NEBL: variants seen among roughly 807,000 people sequenced by gnomAD.
NEBL encodes nebulette.
Under a neutral mutation model 140.2 loss-of-function variants are expected in NEBL, and 122 were observed. The observed-to-expected ratio is 0.87, with a 90% confidence interval of 0.75 to 1.01. The LOEUF (loss-of-function observed/expected upper bound fraction) is 1.01, where lower values mean the gene tolerates loss of function less well. Ranked by LOEUF, NEBL falls within the 50% of genes least tolerant of loss-of-function variation. The probability of loss-of-function intolerance (pLI) is 0.00; values close to 1 mark genes in which losing one functional copy is unlikely to be tolerated. For missense variants in NEBL, 1,365 were observed against 1,231.3 expected (o/e 1.11, Z -1.62); for synonymous variants, 436 against 398.9 (o/e 1.09, Z -1.11).
At chr10:21,083,525 A>G (rs915514639) in intron 2 of NEBL, among the ~76,000 whole-genome samples, 12 of 152,174 alleles carry the variant, frequency 7.9e-5, no homozygotes, top group Non-Finnish European at 1.5e-4. Context: ...TCACTTAGCT[A>G]AGATCATCAG....
intron 2 of NEBL, among the ~76,000 whole-genome samples, chr10:21,163,103 T>G (rs1487131194): frequency 6.6e-6 from 1 of 152,178 alleles, no homozygotes; most frequent in African/African-American, 2.4e-5. Context: ...TGGTGAAGGA[T>G]TCAAAGCTAG....
chr10:21,214,036 G>T (rs1176651286), intron 3 of NEBL, among the ~76,000 whole-genome samples: 1 of 152,044 alleles, frequency 6.6e-6, no homozygotes, highest in Non-Finnish European at 1.5e-5. Context: ...TTTGTGTCTT[G>T]AATGATGATA....
At chr10:21,099,523 T>C (rs949533735) in intron 2 of NEBL, among the ~76,000 whole-genome samples, 2 of 152,160 alleles carry the variant, frequency 1.3e-5, no homozygotes, top group Non-Finnish European at 2.9e-5. Flanking sequence ...CCTTTCAATT[T>C]CCTCTCTGCT....
At chr10:21,260,690 G>A (rs910839483) in intron 1 of NEBL, among the ~76,000 whole-genome samples, 1 of 152,092 alleles carries the variant, frequency 6.6e-6, no homozygotes, top group Non-Finnish European at 1.5e-5. Flanking sequence ...TGAAGGTCGA[G>A]CCCTTCTCTT....
At chr10:21,248,855 C>G (rs568290952) in intron 2 of NEBL, among the ~76,000 whole-genome samples, 1 of 151,490 alleles carries the variant, frequency 6.6e-6, no homozygotes, top group South Asian at 2.1e-4. Flanking sequence ...TTTTTTTTGA[C>G]AATAGACATC....
chr10:21,136,709 A>G (rs1478633204), intron 2 of NEBL, among the ~76,000 whole-genome samples: 1 of 152,128 alleles, frequency 6.6e-6, no homozygotes, highest in Non-Finnish European at 1.5e-5. Flanking sequence ...ACCCTACTCT[A>G]AAGGGTCTCC....
chr10:20,910,673 T>C lies in NEBL; in HGVS notation c.357+50999A>G, dbSNP rs28613816. ...TTCAAAATCCCTACACTGTAAAAAA[T>C]TAGACCAATCTTCCTAGTTCTAAGA... On this transcript the variant is annotated intron_variant, in intron 4 of 6. Transcript: ENST00000417816. Among the ~76,000 whole-genome samples, 1,461 of 152,282 alleles carry C rather than the reference T, an allele frequency of 9.6e-3. 19 individuals are homozygous for C. The highest frequency in any genetic ancestry group is 0.034 in the African/African-American group (1,398 of 41,560).
rs540579673 is a variant in NEBL at position 20,893,691 on chromosome 10, C to A, written c.153+3267G>T. ...ATTGTCTGACAAGGGGATGATATAG[C>A]AGTGTCTACAGGTCTGCTGACTCCA... is the stretch of plus-strand genomic sequence containing the variant. On this transcript the variant is annotated intron_variant, in intron 2 of 27. Transcript: ENST00000377122. Among the ~76,000 whole-genome samples, 4 of 152,278 alleles carry A rather than the reference C, an allele frequency of 2.6e-5. No homozygotes were observed. In the East Asian group the frequency reaches 5.8e-4, roughly 22 times the overall value.
intron 3 of NEBL, among the ~76,000 whole-genome samples, chr10:21,013,953 G>C (rs1360513099): frequency 3.3e-5 from 5 of 151,992 alleles, no homozygotes; most frequent in Non-Finnish European, 7.4e-5. Flanking sequence ...TTTGGAAATG[G>C]GATCCGGAGC....
At chr10:21,080,490 A>G (rs923975319) in intron 2 of NEBL, among the ~76,000 whole-genome samples, 3 of 152,264 alleles carry the variant, frequency 2.0e-5, no homozygotes, top group African/African-American at 7.2e-5. Flanking sequence ...TGAATAATTC[A>G]ACAACTATTC....
At chr10:20,976,133 A>T (rs1836787575) in intron 3 of NEBL, among the ~76,000 whole-genome samples, 1 of 151,928 alleles carries the variant, frequency 6.6e-6, no homozygotes, top group African/African-American at 2.4e-5. Context: ...TCAGGAGTTC[A>T]AGACCAGCCT....
At chr10:20,941,960 C>G (rs1160085785) in intron 4 of NEBL, among the ~76,000 whole-genome samples, 1 of 152,116 alleles carries the variant, frequency 6.6e-6, no homozygotes, top group Non-Finnish European at 1.5e-5. Flanking sequence ...AATGGAAGAA[C>G]ATTCCATGCT....
upstream of NEBL, among the ~76,000 whole-genome samples, chr10:21,179,305 TA>T (rs1322013295): frequency 1.3e-5 from 2 of 152,158 alleles, no homozygotes; most frequent in Non-Finnish European, 2.9e-5. Context: ...ACTCCATAGA[TA>T]ACAACTTGGA....
chr10:20,907,874 T>A (rs1848163754), intron 4 of NEBL, among the ~76,000 whole-genome samples: 1 of 152,158 alleles, frequency 6.6e-6, no homozygotes, highest in African/African-American at 2.4e-5. Context: ...AATATCCAAA[T>A]GCAATGAAGT....
At chr10:21,233,631 TAGAG>T (rs949058146) in intron 3 of NEBL, among the ~76,000 whole-genome samples, 6 of 145,380 alleles carry the variant, frequency 4.1e-5, no homozygotes, top group Non-Finnish European at 6.0e-5. Flanking sequence ...TATATCTATA[TAGAG>T]AGACTTATCT....
chr10:21,196,554 A>G (rs2132222285), intron 3 of NEBL, among the ~76,000 whole-genome samples: 1 of 151,936 alleles, frequency 6.6e-6, no homozygotes, highest in South Asian at 2.1e-4. Context: ...AATGTTGGCC[A>G]GGCTGGTCTC....
intron 3 of NEBL, among the ~76,000 whole-genome samples, chr10:20,968,416 C>G (rs1223242223): frequency 6.6e-6 from 1 of 151,940 alleles, no homozygotes; most frequent in Admixed American, 6.6e-5. Flanking sequence ...GAAGCTGAGA[C>G]AGGAGGAATA....
intron 2 of NEBL, among the ~76,000 whole-genome samples, chr10:21,071,124 A>G (rs1835799779): frequency 6.6e-6 from 1 of 151,824 alleles, no homozygotes; most frequent in Admixed American, 6.6e-5. Flanking sequence ...GTGAGTCATG[A>G]TGGCCCACTG....
intron 2 of NEBL, among the ~76,000 whole-genome samples, chr10:21,170,047 A>T (rs916049123): frequency 6.6e-6 from 1 of 152,192 alleles, no homozygotes; most frequent in Non-Finnish European, 1.5e-5. Flanking sequence ...CTCATCCAGA[A>T]TCTCATAAAC....
Sources: allele counts gnomAD v4.1 joint callset (sites outside exome capture counted in the v4.1 genomes callset), GRCh38; gene constraint gnomAD v4.1.1; transcripts MANE v1.5; gene names NCBI Gene and HGNC (gene_info 2026-07-23, HGNC 2026-07-21).